Variants in IQUB observed in about 807,000 individuals in gnomAD.
IQUB encodes the protein IQ motif and ubiquitin-like domain-containing protein.
In IQUB, 86 loss-of-function variants were observed where a neutral mutation model predicts 86.4. That is an observed-to-expected ratio of 1.00 (90% CI 0.84 to 1.19). The LOEUF is 1.19. IQUB is among the 50% of genes most tolerant of loss of function. The pLI is 0.00. For synonymous variants in IQUB, 289 were observed against 304.5 expected, an observed-to-expected ratio of 0.95 and a Z score of 0.53; for missense variants, 946 against 916.9, an observed-to-expected ratio of 1.03 and a Z score of -0.41.
intron 10 of IQUB, among the ~76,000 whole-genome samples, chr7:123,461,871 T>A (rs1266028147): frequency 6.6e-6 from 1 of 151,848 alleles, no homozygotes; most frequent in African/African-American, 2.4e-5. Flanking sequence ...TAAAATCACT[T>A]ATAAAATTAA....
chr7:123,502,318 A>G (rs1368412060), intron 6 of IQUB: 1 of 355,790 alleles, frequency 2.8e-6, no homozygotes, highest in Admixed American at 5.0e-5. Context: ...ATTTAAGGCC[A>G]AGGGACAGCA....
At chr7:123,474,825 AT>A (rs1794679072) in intron 8 of IQUB, among the ~76,000 whole-genome samples, 1 of 152,200 alleles carries the variant, frequency 6.6e-6, no homozygotes, top group Non-Finnish European at 1.5e-5. Flanking sequence ...TTCCTTTAAA[AT>A]TTAGCCTGGA....
At chr7:123,519,868 G>T (rs991412641) in intron 1 of IQUB, among the ~76,000 whole-genome samples, 2 of 152,140 alleles carry the variant, frequency 1.3e-5, no homozygotes, top group Non-Finnish European at 2.9e-5. Flanking sequence ...ATTACAAATT[G>T]TATGCACGTA....
At chr7:123,509,563 C>T (rs149181157) in intron 3 of IQUB, among the ~76,000 whole-genome samples, 3 of 152,290 alleles carry the variant, frequency 2.0e-5, no homozygotes, top group Non-Finnish European at 4.4e-5. Flanking sequence ...CTAGAATCTA[C>T]CAAGTTCCTT....
At chr7:123,463,824 T>C (rs1794118357) in intron 10 of IQUB, among the ~76,000 whole-genome samples, 2 of 151,724 alleles carry the variant, frequency 1.3e-5, no homozygotes, top group South Asian at 4.1e-4. Context: ...TTGTAGAAAC[T>C]CTATCAATTG....
At chr7:123,520,757 C>T (rs923443260) in intron 1 of IQUB, among the ~76,000 whole-genome samples, 2 of 151,884 alleles carry the variant, frequency 1.3e-5, no homozygotes, top group South Asian at 2.1e-4. Context: ...ATTGTAGTAA[C>T]CTTGACATGA....
chr7:123,456,597 A>T (rs531298262), intron 12 of IQUB: 1 of 152,178 alleles, frequency 6.6e-6, no homozygotes, highest in South Asian at 2.1e-4. Context: ...CGACTACTGC[A>T]TTTTGTCATT....
At chr7:123,456,414 T>C (rs552270336) in intron 12 of IQUB, among the ~76,000 whole-genome samples, 134 of 152,230 alleles carry the variant, frequency 8.8e-4, no homozygotes, top group African/African-American at 3.0e-3. Flanking sequence ...TTAATACAGC[T>C]TCAACTTATT....
chr7:123,517,900 AG>A (rs1164086926), intron 1 of IQUB, among the ~76,000 whole-genome samples: 1 of 152,226 alleles, frequency 6.6e-6, no homozygotes, highest in East Asian at 1.9e-4. Context: ...CCCATTTAAC[AG>A]ACACAACACT....
chr7:123,465,152 G>C lies in IQUB; in HGVS notation c.1582-143C>G, dbSNP rs190239720. 55 of 591,630 alleles carry C rather than the reference G, an allele frequency of 9.3e-5. No individual in the cohort carries two copies. In the Admixed American group the frequency reaches 1.2e-3, roughly 13 times the overall value. The allele number at this position is 591,630 out of a possible 1,614,324, so 36.6% of individuals were successfully genotyped here. A position where few individuals can be genotyped will look rare whatever the true frequency, so the allele number is the denominator to read the frequency against. On this transcript the variant is annotated intron_variant, in intron 9 of 12. Coordinates refer to ENST00000324698, the MANE Select transcript of IQUB (RefSeq NM_178827.5). ...GGAGTATAAATTGGCAAAACTAATAGTTCATTTTTTGTGGTATATATAGTT... is the reference window on the plus strand; with the variant it reads ...GGAGTATAAATTGGCAAAACTAATACTTCATTTTTTGTGGTATATATAGTT...
At chr7:123,525,603 T>G (rs556879713) in intron 1 of IQUB, among the ~76,000 whole-genome samples, 12 of 152,204 alleles carry the variant, frequency 7.9e-5, no homozygotes, top group African/African-American at 1.9e-4. Flanking sequence ...TTTTTCTTTA[T>G]TCGTCTTGCT....
At chr7:123,513,179 G>A (rs946706157) in intron 1 of IQUB, among the ~76,000 whole-genome samples, 1 of 152,102 alleles carries the variant, frequency 6.6e-6, no homozygotes, top group Non-Finnish European at 1.5e-5. Flanking sequence ...AATCTTTATG[G>A]AGAAAATAAA....
chr7:123,506,996 C>G (rs758658875), intron 3 of IQUB, among the ~76,000 whole-genome samples: 7 of 152,172 alleles, frequency 4.6e-5, no homozygotes, highest in Non-Finnish European at 1.0e-4. Flanking sequence ...AAAAATGTAA[C>G]TATGTGACTG....
intron 1 of IQUB, among the ~76,000 whole-genome samples, chr7:123,512,586 C>A (rs1267006963): frequency 2.6e-5 from 4 of 152,070 alleles, no homozygotes; most frequent in Non-Finnish European, 5.9e-5. Context: ...TTTCTTATTT[C>A]TTCCTTATTT....
At position 123,452,407 on chromosome 7, in the gene IQUB, T is replaced by TTGTC. The variant is rs1315578532; in HGVS notation, c.*332_*335dup. On this transcript the variant is annotated 3_prime_UTR_variant, in exon 13 of 13. Coordinates refer to ENST00000324698, the MANE Select transcript of IQUB (RefSeq NM_178827.5). ...CTATCTAAAATAAATAACTTGAAAG[T>TTGTC]TGTCTAGTTTTTATTTGGCTGTTTG... 6.1e-6 allele frequency: 1 copy of TTGTC among 164,184 alleles called. No individual in the cohort carries two copies. Among genetic ancestry groups the TTGTC allele is most frequent in the Admixed American group, 6.3e-5 (1 of 15,778 alleles). The allele number at this position is 164,184 out of a possible 1,614,324, so 10.2% of individuals were successfully genotyped here. A position where few individuals can be genotyped will look rare whatever the true frequency, so the allele number is the denominator to read the frequency against.
chr7:123,527,290 C>T lies in IQUB; in HGVS notation c.-5+7202G>A, dbSNP rs374886585. ...CTCCTGTAGCTCGGAGTAATTTGAT[C>T]GTCTGAAGCCTTCTTCTCTCAGCTC... On this transcript the variant is annotated intron_variant, in intron 1 of 12. Transcript: ENST00000324698. Among the ~76,000 whole-genome samples, 13 of 152,262 alleles carry T rather than the reference C, an allele frequency of 8.5e-5. 1 individual carries two copies. In the East Asian group the frequency reaches 2.3e-3, roughly 27 times the overall value.
intron 1 of IQUB, among the ~76,000 whole-genome samples, chr7:123,530,013 C>G (rs1465638956): frequency 6.6e-6 from 1 of 151,794 alleles, no homozygotes; most frequent in East Asian, 1.9e-4. Flanking sequence ...AGCCTGGCGA[C>G]AGAGCCAGAC....
intron 3 of IQUB, among the ~76,000 whole-genome samples, chr7:123,506,610 T>C (rs1245153280): frequency 6.6e-6 from 1 of 151,982 alleles, no homozygotes; most frequent in Admixed American, 6.6e-5. Flanking sequence ...GATCTCATGA[T>C]AACTCACTAT....
intron 11 of IQUB, chr7:123,458,196 C>T (rs1175669662): frequency 1.3e-5 from 2 of 151,924 alleles, no homozygotes; most frequent in Non-Finnish European, 2.9e-5. Context: ...CTGTTTAAAA[C>T]TTTTTAAAAA....
Sources: allele counts gnomAD v4.1 joint callset (sites outside exome capture counted in the v4.1 genomes callset), GRCh38; gene constraint gnomAD v4.1.1; transcripts MANE v1.5; gene names NCBI Gene and HGNC (gene_info 2026-07-23, HGNC 2026-07-21).